PPIL1: variants seen among roughly 807,000 people sequenced by gnomAD.
PPIL1 encodes peptidyl-prolyl cis-trans isomerase-like 1.
PPIL1 carries 14 observed loss-of-function variants against 19.4 expected under a neutral mutation model. The observed-to-expected ratio is 0.72, with a 90% confidence interval of 0.48 to 1.13. PPIL1 has a LOEUF of 1.13. Ranked by LOEUF, PPIL1 falls within the 50% of genes most tolerant of loss-of-function variation. PPIL1 has a pLI of 0.00. For missense variants in PPIL1, 192 were observed against 218.0 expected (o/e 0.88, Z 0.75); for synonymous variants, 72 against 73.6 (o/e 0.98, Z 0.11).
chr6:36,871,848 C>T lies in PPIL1; in HGVS notation c.81G>A (p.Leu27=). Residue 27 remains leucine, a synonymous_variant, in exon 2 of 4, where the codon CTG becomes CTA. Transcript: ENST00000373699. ...ETSMGIIVLE[L]YWKHAPKTCK... ...AGGTCTTTGGAGCATGCTTCCAGTA[C>T]AGCTCCAGCACAATGATTCCCATGC... 1.2e-6 allele frequency: 2 copies of T among 1,601,466 alleles called. No homozygotes were observed. The highest frequency in any genetic ancestry group is 2.3e-5 in the East Asian group (1 of 44,254).
rs1372011085 is a variant in PPIL1, at chr6:36,874,658, G to C, written c.56+59C>G. On this transcript the variant is annotated intron_variant, in intron 1 of 3. Transcript: ENST00000373699. ...AGGAACGCGCCAGGAACGCAGACCC[G>C]TGGTGAGGCCCGGGCTCCGCGTCTC... 3 of 1,591,496 alleles carry C rather than the reference G, an allele frequency of 1.9e-6. No individual in the cohort carries two copies. The Admixed American group carries it at 5.0e-5, about 27-fold the overall frequency.
intron 2 of PPIL1, among the ~76,000 whole-genome samples, chr6:36,866,099 T>C (rs1395295838): frequency 6.6e-6 from 1 of 152,180 alleles, no homozygotes; most frequent in Non-Finnish European, 1.5e-5. Context: ...CAGGATGTTA[T>C]GTCTTACAGA....
At chr6:36,859,988 C>G (rs978875939) in intron 2 of PPIL1, among the ~76,000 whole-genome samples, 3 of 152,042 alleles carry the variant, frequency 2.0e-5, no homozygotes, top group Non-Finnish European at 4.4e-5. Flanking sequence ...GCCACCATGC[C>G]CAGCTAATTT....
chr6:36,874,211 G>A (rs1774583814), intron 1 of PPIL1, among the ~76,000 whole-genome samples: 1 of 152,214 alleles, frequency 6.6e-6, no homozygotes, highest in South Asian at 2.1e-4. Flanking sequence ...ATACAGCGGG[G>A]CATGGCGCCA....
chr6:36,868,642 G>A (rs576845397), intron 2 of PPIL1, among the ~76,000 whole-genome samples: 12 of 152,186 alleles, frequency 7.9e-5, no homozygotes, highest in East Asian at 7.7e-4. Flanking sequence ...GTTTGAGACC[G>A]GCCTCAGCAA....
intron 2 of PPIL1, among the ~76,000 whole-genome samples, chr6:36,859,741 T>G (rs1186347656): frequency 6.6e-6 from 1 of 151,936 alleles, no homozygotes; most frequent in Non-Finnish European, 1.5e-5. Context: ...AAGCCAACAA[T>G]TTGGAAGCTT....
In PPIL1 at chr6:36,854,986, T is replaced by C. The variant is rs1164916495; in HGVS notation, c.*827A>G. The C allele has an allele frequency of 6.6e-6, 1 of 152,632 alleles. No individual in the cohort carries two copies. Among genetic ancestry groups the C allele is most frequent in the African/African-American group, 2.4e-5 (1 of 41,450 alleles). The allele number at this position is 152,632 out of a possible 1,614,324, so 9.5% of individuals were successfully genotyped here. ...TCTTGGACCTAATTTCTCTAAAGTCTTGGGTTAAAAGAACTTGAGTGGCGC... is the reference window on the plus strand; with the variant it reads ...TCTTGGACCTAATTTCTCTAAAGTCCTGGGTTAAAAGAACTTGAGTGGCGC... On this transcript the variant is annotated 3_prime_UTR_variant, in exon 4 of 4. Coordinates refer to ENST00000373699, the MANE Select transcript of PPIL1 (RefSeq NM_016059.5).
At chr6:36,874,525 C>A (rs1229932482) in intron 1 of PPIL1, among the ~76,000 whole-genome samples, 192 bp downstream of exon 1, 1 of 152,234 alleles carries the variant, frequency 6.6e-6, no homozygotes, top group African/African-American at 2.4e-5. Context: ...GACCTCAGCA[C>A]AAGACCCCGC....
Position 36,861,850 on chromosome 6 carries a change from C to T in PPIL1, c.212-5196G>A, listed in dbSNP as rs143121410. Reference sequence around the variant, plus strand: ...TAGCTGGGATTACAGGCATGCGCCACCATGCCTGGCTAATTTTGTATTTTT... The same window carrying T: ...TAGCTGGGATTACAGGCATGCGCCATCATGCCTGGCTAATTTTGTATTTTT... On this transcript the variant is annotated intron_variant, in intron 2 of 3. Transcript: ENST00000373699. Among the ~76,000 whole-genome samples, 3,531 of 152,102 alleles carry T rather than the reference C, an allele frequency of 0.023. 232 individuals carry two copies. In the East Asian group the frequency reaches 0.26, roughly 11 times the overall value.
intron 2 of PPIL1, among the ~76,000 whole-genome samples, chr6:36,861,338 C>T (rs1774283944): frequency 6.6e-6 from 1 of 152,138 alleles, no homozygotes; most frequent in Non-Finnish European, 1.5e-5. Context: ...GCTTATTTAG[C>T]TTGTCCCCTC....
chr6:36,855,624 A>C lies in PPIL1; in HGVS notation c.*189T>G. 1.6e-6 allele frequency: 1 copy of C among 617,284 alleles called. No individual in the cohort carries two copies. Among genetic ancestry groups the C allele is most frequent in the East Asian group, 2.8e-5 (1 of 35,596 alleles). 38.2% of individuals were successfully genotyped at this position (617,284 alleles called of 1,614,324 possible). A position where few individuals can be genotyped will look rare whatever the true frequency, so the allele number is the denominator to read the frequency against. On this transcript the variant is annotated 3_prime_UTR_variant, in exon 4 of 4. Transcript: ENST00000373699. ...GTGCAAATGCTCTGGCAACCTAGGC[A>C]CTGGGGGAAGAGAAAAGAAGCATCC... is the stretch of plus-strand genomic sequence containing the variant.
At position 36,871,700 on chromosome 6, in the gene PPIL1, A is replaced by C; in HGVS notation, c.211+18T>G. The stretch of plus-strand genomic sequence containing the variant: ...GAAAAAAAAAAGAAAACATAAACTA[A>C]TGTTGGCTTAACTGTACCTGTCCCT... On this transcript the variant is annotated intron_variant, in intron 2 of 3. Transcript: ENST00000373699. 10 of 1,575,298 alleles carry C rather than the reference A, an allele frequency of 6.3e-6. No individual in the cohort carries two copies. The highest frequency in any genetic ancestry group is 8.6e-6 in the Non-Finnish European group (10 of 1,168,062).
chr6:36,860,726 C>T (rs952277804), intron 2 of PPIL1, among the ~76,000 whole-genome samples: 4 of 149,008 alleles, frequency 2.7e-5, no homozygotes, highest in African/African-American at 1.0e-4. Context: ...TTGGCATTTC[C>T]ATGCATTTTC....
chr6:36,855,952 C>T lies in PPIL1; in HGVS notation c.362G>A (p.Trp121Ter). Reference protein sequence around the residue: ...QFFVTLAPTQWLDGKHTIFGR... With the variant: ...QFFVTLAPTQ ...AAAAATGGTGTGTTTGCCGTCAAGC[C>T]ACTGGGTGGGGGCGAGGGTCACAAA... Residue 121 changes from tryptophan (W) to a stop codon, truncating the protein, a stop_gained, in exon 4 of 4, where the codon TGG becomes TAG. Transcript: ENST00000373699. LOFTEE classifies it high-confidence loss of function. The T allele has an allele frequency of 6.2e-7, 1 of 1,614,206 alleles. No individual in the cohort carries two copies.
At chr6:36,871,945 C>T in intron 1 of PPIL1, 73 bp from the exon 2 acceptor site, 2 of 1,323,418 alleles carry the variant, frequency 1.5e-6, no homozygotes, top group Non-Finnish European at 2.0e-6. Context: ...GGAACTGCTC[C>T]AGGACTCTTG....
chr6:36,870,052 C>T (rs534819204), intron 2 of PPIL1, among the ~76,000 whole-genome samples: 28 of 150,974 alleles, frequency 1.9e-4, no homozygotes, highest in African/African-American at 6.8e-4. Context: ...TTCCCCTTTT[C>T]TCTGCTTTCT....
In PPIL1 at chr6:36,869,427, G is replaced by A. The variant is rs1774462928; in HGVS notation, c.211+2291C>T. ...AAAGTGGCACAGTGCATCACACAGT[G>A]AGGGGGCTGAGCATGCCAACATGCT... is the stretch of plus-strand genomic sequence containing the variant. On this transcript the variant is annotated intron_variant, in intron 2 of 3. Transcript: ENST00000373699. Among the ~76,000 whole-genome samples, 3 of 152,234 alleles carry A rather than the reference G, an allele frequency of 2.0e-5. 1 individual carries two copies. In the South Asian group the frequency reaches 6.2e-4, roughly 31 times the overall value.
rs1433947550 is a variant in PPIL1 at position 36,855,226 on chromosome 6, A to G, written c.*587T>C. ...GTGTTTTTCATTTGGCAAAAATTCAATGTGGCTTTGCGTGGGATGTCTGAA... is the reference window on the plus strand; with the variant it reads ...GTGTTTTTCATTTGGCAAAAATTCAGTGTGGCTTTGCGTGGGATGTCTGAA... On this transcript the variant is annotated 3_prime_UTR_variant, in exon 4 of 4. Transcript: ENST00000373699. 4 of 152,888 alleles carry G rather than the reference A, an allele frequency of 2.6e-5. No homozygotes were observed. The highest frequency in any genetic ancestry group is 4.8e-5 in the African/African-American group (2 of 41,468). The allele number at this position is 152,888 out of a possible 1,614,324, so 9.5% of individuals were successfully genotyped here.
At chr6:36,860,835 T>TA (rs554601753) in intron 2 of PPIL1, among the ~76,000 whole-genome samples, 65 of 144,150 alleles carry the variant, frequency 4.5e-4, no homozygotes, top group East Asian at 1.2e-3. Context: ...TATGTACCCC[T>TA]AAAAAAAAAA....
Sources: allele counts gnomAD v4.1 joint callset (sites outside exome capture counted in the v4.1 genomes callset), GRCh38; gene constraint gnomAD v4.1.1; transcripts MANE v1.5; gene names NCBI Gene and HGNC (gene_info 2026-07-23, HGNC 2026-07-21).